The following NGLY1 variants were observed in gnomAD, a reference collection of about 807,000 sequenced individuals.
NGLY1 encodes N-glycanase 1, also known as peptide-N(4)-(N-acetyl-beta-glucosaminyl)asparagine amidase.
A neutral mutation model predicts 84.6 loss-of-function variants in NGLY1; 68 were observed. The ratio of observed to expected loss-of-function variants is 0.80; its 90% CI spans 0.66 to 0.98. The LOEUF (loss-of-function observed/expected upper bound fraction) is 0.98, where lower values mean the gene tolerates loss of function less well. NGLY1 is among the 50% of genes least tolerant of loss of function. The probability of loss-of-function intolerance (pLI) is 0.00; values close to 1 mark genes in which losing one functional copy is unlikely to be tolerated. For synonymous variants in NGLY1, 280 were observed against 275.2 expected (o/e 1.02, Z -0.17); for missense variants, 779 against 770.2 (o/e 1.01, Z -0.14).
chr3:25,789,247 C>T (rs564069193), intron 1 of NGLY1, among the ~76,000 whole-genome samples: 1 of 152,090 alleles, frequency 6.6e-6, no homozygotes, highest in South Asian at 2.1e-4. Context: ...TCCATTGTGA[C>T]AATGGAGACA....
chr3:25,719,903 T>C, intron 11 of NGLY1, 111 bp downstream of exon 11: 1 of 887,390 alleles, frequency 1.1e-6, no homozygotes, highest in South Asian at 2.5e-5. Flanking sequence ...TTTACTGAAA[T>C]AGTATTAATA....
intron 10 of NGLY1, among the ~76,000 whole-genome samples, chr3:25,720,625 C>G (rs1704936705): frequency 6.6e-6 from 1 of 152,112 alleles, no homozygotes; most frequent in African/African-American, 2.4e-5. Flanking sequence ...ATGCTATAGT[C>G]TCTAAATCGA....
intron 2 of NGLY1, among the ~76,000 whole-genome samples, chr3:25,765,350 C>T (rs553276361): frequency 2.0e-5 from 3 of 150,458 alleles, no homozygotes; most frequent in Admixed American, 2.0e-4. Context: ...ATCCCAGCTA[C>T]TTGGGAGGCT....
At position 25,751,207 on chromosome 3, in the gene NGLY1, C is replaced by A; in HGVS notation, c.549G>T (p.Leu183=). ...EVLQSNIQHV[L]VYENPALQEK... is the part of the protein sequence containing the mutation. ...CCTGAAGAGCAGGATTTTCATAGACCAGCACATGCTGAATGTTGGACTGAA... is the reference window on the plus strand; with the variant it reads ...CCTGAAGAGCAGGATTTTCATAGACAAGCACATGCTGAATGTTGGACTGAA... Residue 183 remains leucine, a synonymous_variant, in exon 4 of 12, where the codon CTG becomes CTT. Transcript: ENST00000280700. 1 of 1,612,362 alleles carries A rather than the reference C, an allele frequency of 6.2e-7. No individual in the cohort carries two copies. Among genetic ancestry groups the A allele is most frequent in the East Asian group, 2.2e-5 (1 of 44,764 alleles).
chr3:25,775,230 G>A (rs1180896707), intron 2 of NGLY1, among the ~76,000 whole-genome samples: 7 of 152,332 alleles, frequency 4.6e-5, no homozygotes, highest in Non-Finnish European at 1.0e-4. Context: ...AGTTCACGAT[G>A]TGAGTTTCCA....
intron 10 of NGLY1, among the ~76,000 whole-genome samples, chr3:25,725,173 C>T (rs1456882775): frequency 6.6e-6 from 1 of 152,162 alleles, no homozygotes; most frequent in Non-Finnish European, 1.5e-5. Flanking sequence ...TATCAGATCA[C>T]ACCCTTTTTG....
At chr3:25,776,709 C>G (rs1708170135) in intron 2 of NGLY1, among the ~76,000 whole-genome samples, 1 of 152,132 alleles carries the variant, frequency 6.6e-6, no homozygotes, top group Non-Finnish European at 1.5e-5. Context: ...TTGCTTAAAC[C>G]AAAACATAGG....
At chr3:25,741,115 G>A (rs551568257) in intron 4 of NGLY1, among the ~76,000 whole-genome samples, 136 of 136,280 alleles carry the variant, frequency 1.0e-3, no homozygotes, top group African/African-American at 3.3e-3. Context: ...GTGACAGAGC[G>A]AAACTCTGTC....
chr3:25,725,784 C>CAAAAT (rs1021995466), intron 10 of NGLY1, among the ~76,000 whole-genome samples: 1 of 151,828 alleles, frequency 6.6e-6, no homozygotes, highest in Non-Finnish European at 1.5e-5. Context: ...CAAAACAAAA[C>CAAAAT]AAAATACTTG....
intron 2 of NGLY1, among the ~76,000 whole-genome samples, chr3:25,768,613 G>C (rs1398898579): frequency 6.7e-6 from 1 of 148,378 alleles, no homozygotes; most frequent in Non-Finnish European, 1.5e-5. Context: ...GCCGAGGCTG[G>C]AGCACAGTGG....
intron 10 of NGLY1, among the ~76,000 whole-genome samples, chr3:25,728,158 C>A (rs960095905): frequency 6.6e-6 from 1 of 152,006 alleles, no homozygotes; most frequent in Non-Finnish European, 1.5e-5. Context: ...TGGAGTATTT[C>A]TATGTTTAAG....
At chr3:25,785,702 A>G (rs1169769113), upstream of NGLY1, among the ~76,000 whole-genome samples, 4 of 152,024 alleles carry the variant, frequency 2.6e-5, no homozygotes, top group Non-Finnish European at 2.9e-5. Flanking sequence ...ACATAGGAAG[A>G]TTGTCTATAT....
At position 25,734,064 on chromosome 3, in the gene NGLY1, A is replaced by G. The variant is rs560797642; in HGVS notation, c.1150-82T>C. On this transcript the variant is annotated intron_variant, in intron 7 of 11. Coordinates refer to ENST00000280700, the MANE Select transcript of NGLY1 (RefSeq NM_018297.4). ...TTACTAAATACCTAGAATGTATGTA[A>G]TTTTTAAATGCATTTTTTTGGAGAC... 1.2e-5 allele frequency: 19 copies of G among 1,554,800 alleles called. No homozygotes were observed. The South Asian group carries it at 1.6e-4, about 13-fold the overall frequency.
At chr3:25,761,808 A>C (rs1262790139) in intron 3 of NGLY1, among the ~76,000 whole-genome samples, 2 of 152,242 alleles carry the variant, frequency 1.3e-5, no homozygotes, top group Non-Finnish European at 2.9e-5. Flanking sequence ...AACAACCCAA[A>C]TGTCCATCAA....
intron 10 of NGLY1, among the ~76,000 whole-genome samples, chr3:25,722,265 G>A (rs1705034840): frequency 1.2e-5 from 1 of 85,306 alleles, no homozygotes; most frequent in Non-Finnish European, 3.1e-5. Flanking sequence ...TTAAAGATCT[G>A]TATACACACA....
chr3:25,728,482 T>A (rs1256906475), intron 10 of NGLY1, among the ~76,000 whole-genome samples: 1 of 152,164 alleles, frequency 6.6e-6, no homozygotes, highest in Non-Finnish European at 1.5e-5. Context: ...AGCTTTAAGT[T>A]TATTTTGGTG....
chr3:25,779,763 T>C (rs1256611951), intron 1 of NGLY1, among the ~76,000 whole-genome samples: 1 of 152,254 alleles, frequency 6.6e-6, no homozygotes, highest in Non-Finnish European at 1.5e-5. Context: ...TTTTCACCAG[T>C]CAATTGCCTA....
At chr3:25,769,912 T>A (rs188238323) in intron 2 of NGLY1, among the ~76,000 whole-genome samples, 9 of 152,132 alleles carry the variant, frequency 5.9e-5, no homozygotes, top group African/African-American at 2.2e-4. Flanking sequence ...ACTAAAAGTA[T>A]AGTCTTTTAT....
intron 10 of NGLY1, among the ~76,000 whole-genome samples, chr3:25,722,782 C>T (rs1236331962): frequency 6.6e-6 from 1 of 152,112 alleles, no homozygotes; most frequent in Non-Finnish European, 1.5e-5. Context: ...ATGTGGGACT[C>T]AGGACTCCAC....
Sources: gnomAD v4.1 joint callset for allele counts (sites outside exome capture counted in the v4.1 genomes callset) on GRCh38, gnomAD v4.1.1 for gene constraint, MANE v1.5 for transcripts, NCBI Gene and HGNC (gene_info 2026-07-23, HGNC 2026-07-21) for gene names.